The following FMN1 variants were observed in gnomAD, a reference collection of about 807,000 sequenced individuals.
FMN1 encodes formin-1.
A neutral mutation model predicts 132.4 loss-of-function variants in FMN1; 110 were observed. That is an observed-to-expected ratio of 0.83 (90% CI 0.71 to 0.97). The LOEUF is 0.97. Ranked by LOEUF, FMN1 falls within the 50% of genes least tolerant of loss-of-function variation. The pLI, the probability that FMN1 is intolerant of heterozygous loss-of-function variation, is 0.00. For missense variants in FMN1, 1,792 were observed against 1,705.3 expected, an observed-to-expected ratio of 1.05 and a Z score of -0.90; for synonymous variants, 722 against 651.7, an observed-to-expected ratio of 1.11 and a Z score of -1.64.
intron 4 of FMN1, among the ~76,000 whole-genome samples, chr15:33,111,961 CTGT>C (rs1468484344): frequency 6.6e-6 from 1 of 152,070 alleles, no homozygotes; most frequent in East Asian, 1.9e-4. Flanking sequence ...CTTAATAAAG[CTGT>C]TTTTAAAAAG....
At chr15:32,920,972 C>CT (rs373526215) in intron 10 of FMN1, among the ~76,000 whole-genome samples, 6 of 152,304 alleles carry the variant, frequency 3.9e-5, no homozygotes, top group African/African-American at 1.4e-4. Flanking sequence ...TCAACAGGCA[C>CT]TTCATGATCA....
At chr15:33,055,468 G>C (rs1180070162) in intron 6 of FMN1, among the ~76,000 whole-genome samples, 2 of 152,210 alleles carry the variant, frequency 1.3e-5, no homozygotes, top group Non-Finnish European at 2.9e-5. Flanking sequence ...CATTAAGACA[G>C]TGTGAAACTG....
intron 4 of FMN1, among the ~76,000 whole-genome samples, chr15:33,117,203 AAG>A (rs539172733): frequency 7.9e-5 from 12 of 151,908 alleles, no homozygotes; most frequent in African/African-American, 2.7e-4. Context: ...CCTACTCCAA[AAG>A]AGAGAGAGAG....
At chr15:33,107,271 T>C (rs981106007) in intron 4 of FMN1, among the ~76,000 whole-genome samples, 6 of 152,172 alleles carry the variant, frequency 3.9e-5, no homozygotes, top group Admixed American at 1.3e-4. Context: ...CTCTCTCATC[T>C]GGGCAAGTGG....
At chr15:33,116,110 C>T (rs140910049) in intron 4 of FMN1, among the ~76,000 whole-genome samples, 89 of 152,232 alleles carry the variant, frequency 5.8e-4, no homozygotes, top group African/African-American at 2.0e-3. Context: ...TAGCTATGTC[C>T]CTGGCATTTG....
chr15:32,862,109 G>A (rs777655748), intron 16 of FMN1, among the ~76,000 whole-genome samples: 17 of 152,166 alleles, frequency 1.1e-4, no homozygotes, highest in Non-Finnish European at 2.4e-4. Context: ...TGGCTTATCC[G>A]AGATGCTTTC....
intron 17 of FMN1, among the ~76,000 whole-genome samples, chr15:32,856,638 C>T (rs899767749): frequency 6.6e-6 from 1 of 152,338 alleles, no homozygotes; most frequent in South Asian, 2.1e-4. Context: ...TCACCATCCA[C>T]CTGTCCAGGT....
chr15:33,153,017 T>G, intron 4 of FMN1, 31 bp downstream of exon 4: 1 of 1,467,196 alleles, frequency 6.8e-7, no homozygotes, highest in South Asian at 1.4e-5. Flanking sequence ...CAGCCAAGAA[T>G]AGATTCAAAG....
chr15:32,776,547 GA>G (rs2056423460), intron 20 of FMN1, among the ~76,000 whole-genome samples: 1 of 152,112 alleles, frequency 6.6e-6, no homozygotes. Flanking sequence ...GATACTTTGA[GA>G]TAAGGGTGAC....
Position 32,767,149 on chromosome 15 carries a change from C to G in FMN1, c.*7161G>C, listed in dbSNP as rs1243198462. On this transcript the variant is annotated 3_prime_UTR_variant, in exon 21 of 21. Coordinates refer to ENST00000616417, the MANE Select transcript of FMN1 (RefSeq NM_001277313.2). ...GACCATGGCAAAAAATCACCAGCTCCCTAACAATGTAATCTATCAGCAAAA... is the reference window on the plus strand; with the variant it reads ...GACCATGGCAAAAAATCACCAGCTCGCTAACAATGTAATCTATCAGCAAAA... 6.6e-6 allele frequency: 1 copy of G among 152,198 alleles called. No individual in the cohort carries two copies. Among genetic ancestry groups the G allele is most frequent in the Non-Finnish European group, 1.5e-5 (1 of 68,044 alleles). 9.4% of individuals were successfully genotyped at this position (152,198 alleles called of 1,614,324 possible). A position where few individuals can be genotyped will look rare whatever the true frequency, so the allele number is the denominator to read the frequency against.
At chr15:33,012,645 T>G (rs1397762045) in intron 6 of FMN1, 4 of 903,176 alleles carry the variant, frequency 4.4e-6, no homozygotes, top group Non-Finnish European at 5.5e-6. Context: ...ACTGTGAAGG[T>G]AGGAAAGCCC....
chr15:32,908,603 C>CCA, intron 11 of FMN1, 25 bp from the exon 12 acceptor site: 1 of 600,922 alleles, frequency 1.7e-6, no homozygotes, highest in Non-Finnish European at 2.5e-6. Context: ...AAAACAAAAC[C>CCA]AAAAAAAAAA....
chr15:32,810,939 G>T, intron 17 of FMN1: 1 of 455,982 alleles, frequency 2.2e-6, no homozygotes, highest in Non-Finnish European at 4.4e-6. Context: ...TGGGAGCCGG[G>T]TGATGCTAAC....
intron 17 of FMN1, among the ~76,000 whole-genome samples, chr15:32,839,703 G>C (rs1026247918): frequency 1.3e-5 from 2 of 151,596 alleles, no homozygotes; most frequent in African/African-American, 4.8e-5. Context: ...CCTGGAAGTA[G>C]GATTGAGAGA....
At chr15:32,849,660 TTTTC>T (rs934186580) in intron 17 of FMN1, among the ~76,000 whole-genome samples, 1 of 148,350 alleles carries the variant, frequency 6.7e-6, no homozygotes, top group African/African-American at 2.4e-5. Flanking sequence ...AATAGCTTTC[TTTTC>T]TTTATTTTTT....
chr15:33,048,644 A>AAAAAAAAAAAAAAAAAAAAAAC, intron 6 of FMN1, among the ~76,000 whole-genome samples: 3 of 86,918 alleles, frequency 3.5e-5, no homozygotes, highest in African/African-American at 8.2e-5. Context: ...AAAAAAAAAA[A>AAAAAAAAAAAAAAAAAAAAAAC]AAAAACCAAC....
chr15:32,810,889 GCA>G, intron 17 of FMN1: 1 of 447,898 alleles, frequency 2.2e-6, no homozygotes, highest in Non-Finnish European at 4.5e-6. Flanking sequence ...CCAACAGGAC[GCA>G]CAGTTAAGAA....
In FMN1 at chr15:32,969,419, C is replaced by A; in HGVS notation, c.2282G>T (p.Arg761Ile). 6.2e-7 allele frequency: 1 copy of A among 1,613,980 alleles called. No individual in the cohort carries two copies. The highest frequency in any genetic ancestry group is 8.5e-7 in the Non-Finnish European group (1 of 1,179,894). The change falls in exon 8 of 21, where the codon AGA becomes ATA. Residue 761 changes from arginine (R) to isoleucine (I), a missense_variant. Around this residue, in one of 3 missense-constraint regions of FMN1, gnomAD observed 1,150 missense variants for 1,043.1 expected, o/e 1.10. Transcript: ENST00000616417. ...IRGEHAMITA[R>I]LEETIENLKH... is the part of the protein sequence containing the mutation. ...CAGATTTTCAATGGTTTCTTCTAGT[C>A]TCGCTGTTATCATTGCATGCTCGCC...
Position 32,931,105 on chromosome 15 carries a change from T to G in FMN1, c.3139-4844A>C, listed in dbSNP as rs75655131. Among the ~76,000 whole-genome samples the G allele has an allele frequency of 6.2e-3, 940 of 152,280 alleles. 6 individuals are homozygous for G. Among genetic ancestry groups the G allele is most frequent in the African/African-American group, 0.021 (888 of 41,578 alleles). The stretch of plus-strand genomic sequence containing the variant: ...GTTTTGATTACTGCAGCTTGGCAAT[T>G]TGTTTTGAATTCAGAAAGTGTGAGT... On this transcript the variant is annotated intron_variant, in intron 9 of 20. Transcript: ENST00000616417.
Sources: gnomAD v4.1 joint callset for allele counts (sites outside exome capture counted in the v4.1 genomes callset) on GRCh38, gnomAD v4.1.1 for gene constraint, gnomAD v4.1.1 regional missense constraint, MANE v1.5 for transcripts, NCBI Gene and HGNC (gene_info 2026-07-23, HGNC 2026-07-21) for gene names.